The following TET3 variants were observed in gnomAD, a reference collection of about 807,000 sequenced individuals.
TET3 encodes methylcytosine dioxygenase TET3.
TET3 carries 19 observed loss-of-function variants against 141.4 expected under a neutral mutation model. The ratio of observed to expected loss-of-function variants is 0.13; its 90% CI spans 0.09 to 0.20. The LOEUF (loss-of-function observed/expected upper bound fraction) is 0.20. Among genes scored for constraint, TET3 ranks in the 10% least tolerant of loss-of-function variants. The probability of loss-of-function intolerance (pLI) is 1.00; values close to 1 mark genes in which losing one functional copy is unlikely to be tolerated. For missense variants in TET3, 1,874 were observed against 2,356.9 expected (o/e 0.80, Z 4.24); for synonymous variants, 1,043 against 980.9 (o/e 1.06, Z -1.18).
chr2:73,994,367 G>A lies in TET3; in HGVS notation c.303+7661G>A, dbSNP rs565983833. ...GAGGGAGTATGCAGGAGTTTTATTA[G>A]TGGGTGAAAGTTATTAGACAGACTG... On this transcript the variant is annotated intron_variant, in intron 2 of 11. Coordinates refer to ENST00000409262, the MANE Select transcript of TET3 (RefSeq NM_001287491.2). Among the ~76,000 whole-genome samples, 7 of 152,274 alleles carry A rather than the reference G, an allele frequency of 4.6e-5. No homozygotes were observed. In the South Asian group the frequency reaches 1.5e-3, roughly 32 times the overall value.
At chr2:74,098,122 A>C (rs1286990751) in intron 10 of TET3, among the ~76,000 whole-genome samples, 2 of 152,232 alleles carry the variant, frequency 1.3e-5, no homozygotes, top group African/African-American at 2.4e-5. Flanking sequence ...TTCTGCTGGT[A>C]TGAGTGAAAA....
intron 4 of TET3, among the ~76,000 whole-genome samples, chr2:74,071,085 G>A (rs892811525): frequency 1.3e-5 from 2 of 152,162 alleles, no homozygotes; most frequent in Non-Finnish European, 2.9e-5. Flanking sequence ...GGTGTCTGTC[G>A]AGGGCCCTCT....
chr2:74,008,281 A>G (rs1327947116), intron 3 of TET3, among the ~76,000 whole-genome samples: 2 of 152,150 alleles, frequency 1.3e-5, no homozygotes, highest in Admixed American at 1.3e-4. Context: ...CAGCTTCTGT[A>G]GATAAGGATG....
At chr2:74,012,000 G>A (rs531770195) in intron 3 of TET3, among the ~76,000 whole-genome samples, 14 of 152,244 alleles carry the variant, frequency 9.2e-5, no homozygotes, top group South Asian at 6.2e-4. Flanking sequence ...TGGCCCTGCC[G>A]CCCAGGTTGG....
At chr2:73,983,631 C>T (rs1683862744), upstream of TET3, among the ~76,000 whole-genome samples, 1 of 152,224 alleles carries the variant, frequency 6.6e-6, no homozygotes, top group South Asian at 2.1e-4. Flanking sequence ...TTCTGGACAG[C>T]GCTACTTCAG....
intron 10 of TET3, among the ~76,000 whole-genome samples, chr2:74,098,044 C>T (rs1004623603): frequency 7.2e-5 from 11 of 152,110 alleles, no homozygotes; most frequent in African/African-American, 2.7e-4. Flanking sequence ...ACAACGAGAT[C>T]GATTTTAACA....
intron 3 of TET3, among the ~76,000 whole-genome samples, chr2:74,024,114 G>T (rs867431725): frequency 6.6e-6 from 1 of 152,242 alleles, no homozygotes; most frequent in Non-Finnish European, 1.5e-5. Context: ...ATGTAGTTGT[G>T]TGTGACTTTA....
intron 7 of TET3, among the ~76,000 whole-genome samples, chr2:74,089,023 G>A (rs765195649): frequency 2.8e-5 from 4 of 144,512 alleles, no homozygotes; most frequent in Admixed American, 7.1e-5. Context: ...AGAGGTTGCA[G>A]TGAGCCAAGA....
rs1306608015 is a variant in TET3, at chr2:74,100,782, T to C, written c.3994T>C (p.Tyr1332His). ...HALHNSLSPA[Y>H]GGAEFAELPS... is the part of the protein sequence containing the mutation. ...TCTGCACAACAGCCTGAGCCCGGCC[T>C]ACGGTGGTGCTGAGTTTGCCGAGCT... The change falls in exon 12 of 12, where the codon TAC becomes CAC. Residue 1332 changes from tyrosine to histidine, a missense_variant. This residue lies in a region of TET3 where 602 missense variants were observed against 590.2 expected (regional missense o/e 1.02). Coordinates refer to ENST00000409262, the MANE Select transcript of TET3 (RefSeq NM_001287491.2). 1 of 1,612,990 alleles carries C rather than the reference T, an allele frequency of 6.2e-7. No homozygotes were observed. The highest frequency in any genetic ancestry group is 8.5e-7 in the Non-Finnish European group (1 of 1,179,616).
Position 74,105,245 on chromosome 2 carries a change from G to C in TET3, c.*3069G>C. ...AGCAACGGAAATCGATGGCGTCTTA[G>C]TCATCTCCCCAGTGTGCCCTGTCCA... On this transcript the variant is annotated 3_prime_UTR_variant, in exon 12 of 12. Coordinates refer to ENST00000409262, the MANE Select transcript of TET3 (RefSeq NM_001287491.2). 1.0e-5 allele frequency: 4 copies of C among 398,590 alleles called. No homozygotes were observed. The highest frequency in any genetic ancestry group is 1.8e-5 in the Non-Finnish European group (4 of 226,064). The allele number at this position is 398,590 out of a possible 1,614,324, so 24.7% of individuals were successfully genotyped here.
intron 7 of TET3, among the ~76,000 whole-genome samples, chr2:74,088,374 G>A (rs1358915360): frequency 1.3e-5 from 2 of 152,146 alleles, no homozygotes; most frequent in Non-Finnish European, 2.9e-5. Flanking sequence ...GGCCAGGCGT[G>A]GTCCATGCCT....
the TET3 span, among the ~76,000 whole-genome samples, chr2:74,128,915 C>T: frequency 4.1e-5 from 6 of 147,942 alleles, no homozygotes; most frequent in Non-Finnish European, 8.9e-5. Flanking sequence ...TCAGCTGAGC[C>T]CCAGAAGTCA....
chr2:74,061,866 G>A (rs533782971), intron 4 of TET3, among the ~76,000 whole-genome samples: 1 of 148,380 alleles, frequency 6.7e-6, no homozygotes, highest in South Asian at 2.1e-4. Context: ...ATGGGATGGC[G>A]GCCGGGAAGA....
chr2:74,092,193 C>T lies in TET3; in HGVS notation c.3040-709C>T, dbSNP rs149134964. ...GTGGGCACCTCTAATCCCAGCTACT[C>T]AGGAGGCTGAGGCAGGAGAATTGCT... On this transcript the variant is annotated intron_variant, in intron 8 of 11. Coordinates refer to ENST00000409262, the MANE Select transcript of TET3 (RefSeq NM_001287491.2). Among the ~76,000 whole-genome samples, 34 of 152,150 alleles carry T rather than the reference C, an allele frequency of 2.2e-4. No homozygotes were observed. In the East Asian group the frequency reaches 6.6e-3, roughly 29 times the overall value.
chr2:74,080,390 C>A, intron 5 of TET3, 108 bp from the exon 6 acceptor site: 2 of 934,244 alleles, frequency 2.1e-6, no homozygotes, highest in South Asian at 1.5e-5. Context: ...TTGCCCCCGA[C>A]GGTAACCAGA....
intron 6 of TET3, among the ~76,000 whole-genome samples, chr2:74,086,577 C>T (rs1329454992): frequency 6.6e-6 from 1 of 151,770 alleles, no homozygotes; most frequent in East Asian, 1.9e-4. Flanking sequence ...CACGTGAGCC[C>T]CAGCAGTTCA....
intron 4 of TET3, among the ~76,000 whole-genome samples, chr2:74,072,759 C>T (rs555649647): frequency 1.3e-5 from 2 of 152,306 alleles, no homozygotes; most frequent in South Asian, 4.1e-4. Context: ...ATTTCCTGCT[C>T]CTCCCAGCCC....
intron 2 of TET3, among the ~76,000 whole-genome samples, chr2:73,997,045 G>A (rs1433651344): frequency 6.6e-6 from 1 of 152,210 alleles, no homozygotes; most frequent in African/African-American, 2.4e-5. Context: ...ACCTAACGAG[G>A]GTGTTAGTGG....
Position 74,070,133 on chromosome 2 carries a change from A to T in TET3, c.2495-3416A>T, listed in dbSNP as rs112865979. Reference sequence around the variant, plus strand: ...TAGTTTGAGTCTGTTATTGAATATCATTTAAATGGAATCTTAACTGTATTC... The same window carrying T: ...TAGTTTGAGTCTGTTATTGAATATCTTTTAAATGGAATCTTAACTGTATTC... On this transcript the variant is annotated intron_variant, in intron 4 of 11. Transcript: ENST00000409262. Among the ~76,000 whole-genome samples the T allele has an allele frequency of 7.5e-3, 1,144 of 152,306 alleles. 10 individuals are homozygous for T. Among genetic ancestry groups the T allele is most frequent in the African/African-American group, 0.026 (1,091 of 41,564 alleles).
Sources: gnomAD v4.1 joint callset for allele counts (sites outside exome capture counted in the v4.1 genomes callset) on GRCh38, gnomAD v4.1.1 for gene constraint, gnomAD v4.1.1 regional missense constraint, MANE v1.5 for transcripts, NCBI Gene and HGNC (gene_info 2026-07-23, HGNC 2026-07-21) for gene names.